The following FBRSL1 variants were observed in gnomAD, a reference collection of about 807,000 sequenced individuals.
The protein encoded by FBRSL1 is fibrosin-1-like protein.
Under a neutral mutation model 89.6 loss-of-function variants are expected in FBRSL1, and 51 were observed. That is an observed-to-expected ratio of 0.57 (90% CI 0.45 to 0.72). FBRSL1 has a LOEUF of 0.72. FBRSL1 is among the 30% of genes least tolerant of loss of function. The pLI is 0.00. For synonymous variants in FBRSL1, 779 were observed against 681.1 expected (o/e 1.14, Z -2.24); for missense variants, 1,618 against 1,451.8 (o/e 1.11, Z -1.86).
At chr12:132,519,305 C>T (rs2035139480) in intron 2 of FBRSL1, among the ~76,000 whole-genome samples, 1 of 152,184 alleles carries the variant, frequency 6.6e-6, no homozygotes, top group African/African-American at 2.4e-5. Flanking sequence ...TTTACCTAGC[C>T]TGGTTGGCAT....
chr12:132,507,960 C>A (rs1224103877), intron 1 of FBRSL1, among the ~76,000 whole-genome samples, 193 bp from the exon 2 acceptor site: 1 of 152,168 alleles, frequency 6.6e-6, no homozygotes. Flanking sequence ...ATCCCCCATC[C>A]CGCAGCAGCA....
chr12:132,509,642 G>A, intron 2 of FBRSL1: 1 of 1,231,896 alleles, frequency 8.1e-7, no homozygotes, highest in African/African-American at 1.6e-5. Flanking sequence ...TCTACTGCCG[G>A]CGCCTGCGGT....
intron 2 of FBRSL1, chr12:132,510,515 C>T: frequency 8.1e-7 from 1 of 1,231,768 alleles, no homozygotes; most frequent in Non-Finnish European, 1.0e-6. Context: ...TGGCAGGGCC[C>T]CAAGGGCCAA....
At chr12:132,492,115 A>C (rs1228471968) in intron 1 of FBRSL1, among the ~76,000 whole-genome samples, 4 of 152,186 alleles carry the variant, frequency 2.6e-5, no homozygotes, top group South Asian at 2.1e-4. Flanking sequence ...ACTGCAAGCC[A>C]GGCCCTGCGC....
intron 5 of FBRSL1, among the ~76,000 whole-genome samples, chr12:132,562,918 G>A (rs1364796365): frequency 6.6e-6 from 1 of 152,082 alleles, no homozygotes; most frequent in African/African-American, 2.4e-5. Context: ...CTATGTTTGC[G>A]ATCTGTCTGG....
chr12:132,577,623 C>T lies in FBRSL1; in HGVS notation c.1834+692C>T, dbSNP rs550756548. Among the ~76,000 whole-genome samples, 6 of 152,204 alleles carry T rather than the reference C, an allele frequency of 3.9e-5. No homozygotes were observed. The South Asian group carries it at 1.0e-3, about 26-fold the overall frequency. On this transcript the variant is annotated intron_variant, in intron 15 of 18. Transcript: ENST00000680143. ...CCCTGCCCTCAGTCACCCACTCCCC[C>T]GAGTCACCCCCTCCCCCGGGTCACC...
At chr12:132,560,999 C>CCCCA in intron 5 of FBRSL1, among the ~76,000 whole-genome samples, 4 of 152,294 alleles carry the variant, frequency 2.6e-5, no homozygotes, top group Admixed American at 2.6e-4. Flanking sequence ...GAGGAACGAG[C>CCCCA]CCCAGAAGGT....
intron 2 of FBRSL1, among the ~76,000 whole-genome samples, chr12:132,512,472 G>A (rs1357973570): frequency 3.3e-5 from 5 of 152,238 alleles, no homozygotes; most frequent in Non-Finnish European, 7.4e-5. Flanking sequence ...CTTGGGGTGC[G>A]GGCTTGGAGG....
intron 2 of FBRSL1, among the ~76,000 whole-genome samples, chr12:132,514,558 A>G (rs905235159): frequency 6.6e-6 from 1 of 152,198 alleles, no homozygotes; most frequent in East Asian, 1.9e-4. Context: ...ATGCTGAGCC[A>G]CAGGCCCGGC....
intron 15 of FBRSL1, among the ~76,000 whole-genome samples, chr12:132,577,652 C>T (rs1308530732): frequency 6.6e-6 from 1 of 152,132 alleles, no homozygotes; most frequent in African/African-American, 2.4e-5. Flanking sequence ...GGTCACCCCT[C>T]CCCCAGCAAC....
rs1342032581 is a variant in FBRSL1 at position 132,583,756 on chromosome 12, C to G, written c.2987C>G (p.Pro996Arg). 1 of 1,217,396 alleles carries G rather than the reference C, an allele frequency of 8.2e-7. No individual in the cohort carries two copies. The allele number at this position is 1,217,396 out of a possible 1,614,324, so 75.4% of individuals were successfully genotyped here. Reference sequence around the variant, plus strand: ...CGCGACTACTCCCCGTCCCGAAATCCCCCGGAGGTGGAGGCGCGGTAGCCC... The same window carrying G: ...CGCGACTACTCCCCGTCCCGAAATCGCCCGGAGGTGGAGGCGCGGTAGCCC... Reference protein sequence around the residue: ...EARDYSPSRNPPEVEAR With the variant: ...EARDYSPSRNRPEVEAR Residue 996 changes from proline to arginine, a missense_variant, in exon 19 of 19, where the codon CCC (proline) becomes CGC (arginine). By Grantham distance (103) the Pro-to-Arg change is moderately radical. Coordinates refer to ENST00000680143, the MANE Select transcript of FBRSL1 (RefSeq NM_001367871.1).
chr12:132,509,109 G>A, intron 2 of FBRSL1: 4 of 1,232,186 alleles, frequency 3.2e-6, no homozygotes, highest in Non-Finnish European at 4.0e-6. Context: ...GGCTGGACGG[G>A]GGTTCCGCGG....
chr12:132,570,695 C>T (rs1353284346), intron 8 of FBRSL1, among the ~76,000 whole-genome samples, 155 bp downstream of exon 8: 1 of 152,148 alleles, frequency 6.6e-6, no homozygotes, highest in Admixed American at 6.5e-5. Flanking sequence ...GTGCCTTTCC[C>T]CAGGAGTCTC....
intron 4 of FBRSL1, 119 bp downstream of exon 4, chr12:132,528,107 C>A: frequency 1.1e-6 from 1 of 882,866 alleles, no homozygotes; most frequent in Middle Eastern, 2.2e-4. Flanking sequence ...CCCGCTTTCC[C>A]TCTGGAGCCC....
intron 18 of FBRSL1, 114 bp from the exon 19 acceptor site, chr12:132,582,857 G>A: frequency 1.2e-6 from 1 of 846,560 alleles, no homozygotes; most frequent in Non-Finnish European, 1.6e-6. Context: ...GTGCTGAGGG[G>A]TCACCGGCCA....
intron 2 of FBRSL1, among the ~76,000 whole-genome samples, chr12:132,524,287 C>T (rs1215055141): frequency 5.3e-5 from 8 of 152,244 alleles, no homozygotes; most frequent in Admixed American, 5.2e-4. Flanking sequence ...TCAGACTCCT[C>T]GGGGCTGCAT....
rs1315683298 is a variant in FBRSL1, at chr12:132,574,281, A to AG, written c.1600-34dup. 2.7e-6 allele frequency: 4 copies of AG among 1,494,176 alleles called. No individual in the cohort carries two copies. In the Admixed American group the frequency reaches 9.5e-5, roughly 35 times the overall value. The allele number at this position is 1,494,176 out of a possible 1,614,324, so 92.6% of individuals were successfully genotyped here. On this transcript the variant is annotated intron_variant, in intron 12 of 18. Coordinates refer to ENST00000680143, the MANE Select transcript of FBRSL1 (RefSeq NM_001367871.1). ...TGCACCCCCAGGACTCAGCCTCCTG[A>AG]GGGGCCCGGACCTCACACTCCTTTC...
Position 132,531,015 on chromosome 12 carries a change from G to A in FBRSL1, c.615+3027G>A, listed in dbSNP as rs1399724638. ...AGTGTGGGGGGGGGGGTGCAGGTGA[G>A]AGCCCGGGGTGCAGGTGAGAGCCCA... is the stretch of plus-strand genomic sequence containing the variant. On this transcript the variant is annotated intron_variant, in intron 4 of 18. Transcript: ENST00000680143. Among the ~76,000 whole-genome samples, 14 of 150,282 alleles carry A rather than the reference G, an allele frequency of 9.3e-5. 1 individual carries two copies. The highest frequency in any genetic ancestry group is 1.6e-4 in the Non-Finnish European group (11 of 67,472).
chr12:132,572,211 G>C, intron 9 of FBRSL1, 77 bp from the exon 10 acceptor site: 1 of 1,376,090 alleles, frequency 7.3e-7, no homozygotes, highest in Non-Finnish European at 1.0e-6. Context: ...TGCCCAGCCC[G>C]GCCAGGTGGG....
Sources: gnomAD v4.1 joint callset for allele counts (sites outside exome capture counted in the v4.1 genomes callset) on GRCh38, gnomAD v4.1.1 for gene constraint, MANE v1.5 for transcripts, NCBI Gene and HGNC (gene_info 2026-07-23, HGNC 2026-07-21) for gene names.